PBX3: variants seen among roughly 807,000 people sequenced by gnomAD.
PBX3 encodes the protein pre-B-cell leukemia transcription factor 3.
A neutral mutation model predicts 48.5 loss-of-function variants in PBX3; 14 were observed. That is an observed-to-expected ratio of 0.29 (90% CI 0.19 to 0.45). The LOEUF (loss-of-function observed/expected upper bound fraction) is 0.45. PBX3 is among the 20% of genes least tolerant of loss of function. The pLI, the probability that PBX3 is intolerant of heterozygous loss-of-function variation, is 1.00. For synonymous variants in PBX3, 210 were observed against 200.3 expected, an observed-to-expected ratio of 1.05 and a Z score of -0.41; for missense variants, 386 against 546.7, an observed-to-expected ratio of 0.71 and a Z score of 2.93.
chr9:125,754,135 T>C (rs980560519), intron 2 of PBX3, among the ~76,000 whole-genome samples: 2 of 152,118 alleles, frequency 1.3e-5, no homozygotes. Context: ...ATATAAGGTT[T>C]TAGATTATCT....
chr9:125,796,999 C>A (rs1199805741), intron 2 of PBX3, among the ~76,000 whole-genome samples: 1 of 151,908 alleles, frequency 6.6e-6, no homozygotes, highest in East Asian at 1.9e-4. Flanking sequence ...CGTATGGTAA[C>A]CACCCCCCAA....
intron 3 of PBX3, among the ~76,000 whole-genome samples, chr9:125,919,217 CTT>C (rs929986536): frequency 2.1e-5 from 3 of 143,836 alleles, no homozygotes; most frequent in Non-Finnish European, 3.1e-5. Flanking sequence ...AACTTTTTAA[CTT>C]TTTTTTTTTT....
intron 2 of PBX3, among the ~76,000 whole-genome samples, chr9:125,802,339 A>G (rs904484183): frequency 2.7e-4 from 26 of 95,796 alleles, no homozygotes; most frequent in Non-Finnish European, 5.1e-4. Flanking sequence ...TTTAGCTTCT[A>G]CTTGTGAGAA....
At chr9:125,823,180 A>C (rs147288714) in intron 2 of PBX3, among the ~76,000 whole-genome samples, 10 of 152,294 alleles carry the variant, frequency 6.6e-5, no homozygotes, top group Admixed American at 1.3e-4. Flanking sequence ...AGAAACGAAC[A>C]TTCTCTGGTT....
intron 2 of PBX3, among the ~76,000 whole-genome samples, chr9:125,825,877 A>C (rs1372475481): frequency 6.6e-6 from 1 of 152,180 alleles, no homozygotes; most frequent in Admixed American, 6.5e-5. Flanking sequence ...GATATCGCCA[A>C]GTTTAATGTA....
At chr9:125,895,166 T>C (rs1381259232) in intron 2 of PBX3, among the ~76,000 whole-genome samples, 27 of 152,070 alleles carry the variant, frequency 1.8e-4, no homozygotes, top group Admixed American at 1.7e-3. Context: ...TGGCACAGCA[T>C]TGTGACCTTT....
chr9:125,856,822 ATATT>A (rs1169246481), intron 2 of PBX3, among the ~76,000 whole-genome samples: 2 of 152,184 alleles, frequency 1.3e-5, no homozygotes, highest in African/African-American at 4.8e-5. Context: ...CAAAGACAGA[ATATT>A]GCTTTGAATA....
chr9:125,768,124 G>C (rs1329452915), intron 2 of PBX3, among the ~76,000 whole-genome samples: 1 of 151,978 alleles, frequency 6.6e-6, no homozygotes, highest in Non-Finnish European at 1.5e-5. Context: ...TAAGGTCCTT[G>C]GGGGTGGTGG....
intron 2 of PBX3, among the ~76,000 whole-genome samples, chr9:125,872,196 C>A (rs1011644229): frequency 1.3e-5 from 2 of 151,834 alleles, no homozygotes; most frequent in African/African-American, 4.8e-5. Context: ...AAAAGCAGGG[C>A]AAATAGAAAG....
chr9:125,810,685 G>A lies in PBX3; in HGVS notation c.274+62062G>A, dbSNP rs1838264786. Among the ~76,000 whole-genome samples, 3 of 152,230 alleles carry A rather than the reference G, an allele frequency of 2.0e-5. No individual in the cohort carries two copies. The South Asian group carries it at 6.2e-4, about 32-fold the overall frequency. On this transcript the variant is annotated intron_variant, in intron 2 of 8. Coordinates refer to ENST00000373489, the MANE Select transcript of PBX3 (RefSeq NM_006195.6). Reference sequence around the variant, plus strand: ...ATTGATTCTATATCCCTTGCTAGAAGACAATTTCTTTGTATTCTTTGCAGC... The same window carrying A: ...ATTGATTCTATATCCCTTGCTAGAAAACAATTTCTTTGTATTCTTTGCAGC...
At chr9:125,893,587 C>T (rs556066671) in intron 2 of PBX3, among the ~76,000 whole-genome samples, 19 of 103,426 alleles carry the variant, frequency 1.8e-4, no homozygotes, top group African/African-American at 5.0e-4. Flanking sequence ...AGAAGAGCCC[C>T]ATGTGATTGT....
At chr9:125,906,502 G>C (rs1841074925) in intron 2 of PBX3, among the ~76,000 whole-genome samples, 1 of 151,978 alleles carries the variant, frequency 6.6e-6, no homozygotes, top group Non-Finnish European at 1.5e-5. Flanking sequence ...AGGGAAAGAA[G>C]ATGGCTACAG....
chr9:125,772,912 C>T (rs1437616963), intron 2 of PBX3, among the ~76,000 whole-genome samples: 1 of 151,886 alleles, frequency 6.6e-6, no homozygotes, highest in Non-Finnish European at 1.5e-5. Context: ...CCTATTCTCC[C>T]CAGAAAAAAG....
chr9:125,788,935 C>T (rs1837528789), intron 2 of PBX3, among the ~76,000 whole-genome samples: 1 of 149,560 alleles, frequency 6.7e-6, no homozygotes, highest in South Asian at 2.1e-4. Context: ...CTTCCTTTTT[C>T]TCTTTCCTCC....
At chr9:125,899,249 GTATA>G (rs1469007226) in intron 2 of PBX3, among the ~76,000 whole-genome samples, 2 of 115,656 alleles carry the variant, frequency 1.7e-5, no homozygotes, top group African/African-American at 3.0e-5. Context: ...ATATACATAT[GTATA>G]TATATTTATA....
intron 2 of PBX3, among the ~76,000 whole-genome samples, chr9:125,876,885 A>G (rs1840266319): frequency 6.6e-6 from 1 of 151,250 alleles, no homozygotes; most frequent in African/African-American, 2.4e-5. Context: ...CCCAGGTTCA[A>G]GCAGTTCTCC....
chr9:125,956,524 C>T (rs1048421518), intron 5 of PBX3, among the ~76,000 whole-genome samples: 1 of 152,216 alleles, frequency 6.6e-6, no homozygotes, highest in African/African-American at 2.4e-5. Context: ...GACCAGATCC[C>T]TTTCAGGCTG....
intron 3 of PBX3, among the ~76,000 whole-genome samples, chr9:125,919,286 T>C (rs1042132589): frequency 1.8e-4 from 27 of 151,560 alleles, no homozygotes; most frequent in Admixed American, 1.5e-3. Flanking sequence ...CAATCTCGGC[T>C]CACTGCGACC....
At chr9:125,793,525 G>C (rs939682411) in intron 2 of PBX3, among the ~76,000 whole-genome samples, 26 of 151,434 alleles carry the variant, frequency 1.7e-4, no homozygotes, top group Non-Finnish European at 3.4e-4. Flanking sequence ...CGCCTCCTGG[G>C]TTCAAGCAAT....
Sources: gnomAD v4.1 joint callset for allele counts (sites outside exome capture counted in the v4.1 genomes callset) on GRCh38, gnomAD v4.1.1 for gene constraint, MANE v1.5 for transcripts, NCBI Gene and HGNC (gene_info 2026-07-23, HGNC 2026-07-21) for gene names.